Variants in ADAMTS20 observed in about 807,000 individuals in gnomAD.
ADAMTS20 encodes A disintegrin and metalloproteinase with thrombospondin motifs 20.
ADAMTS20 carries 225 observed loss-of-function variants against 260.1 expected under a neutral mutation model. That is an observed-to-expected ratio of 0.87 (90% CI 0.78 to 0.97). ADAMTS20 has a LOEUF of 0.97. Ranked by LOEUF, ADAMTS20 falls within the 50% of genes least tolerant of loss-of-function variation. The probability of loss-of-function intolerance (pLI) is 0.00; values close to 1 mark genes in which losing one functional copy is unlikely to be tolerated. For synonymous variants in ADAMTS20, 802 were observed against 769.5 expected (o/e 1.04, Z -0.70); for missense variants, 2,400 against 2,337.7 (o/e 1.03, Z -0.55).
chr12:43,486,865 A>G (rs113544493), intron 7 of ADAMTS20, among the ~76,000 whole-genome samples: 15 of 152,232 alleles, frequency 9.9e-5, no homozygotes, highest in African/African-American at 3.6e-4. Flanking sequence ...AATTAAAACT[A>G]CAATGAGATA....
At chr12:43,477,718 T>C (rs1358685201) in intron 7 of ADAMTS20, among the ~76,000 whole-genome samples, 2 of 152,126 alleles carry the variant, frequency 1.3e-5, no homozygotes, top group African/African-American at 4.8e-5. Context: ...CACACATTCA[T>C]ACTTTTCAAA....
intron 9 of ADAMTS20, among the ~76,000 whole-genome samples, chr12:43,465,867 A>G (rs1167472995): frequency 6.6e-6 from 1 of 152,086 alleles, no homozygotes; most frequent in East Asian, 1.9e-4. Flanking sequence ...TATGTTCCAA[A>G]GCATGATTTT....
chr12:43,457,440 T>C (rs1161183143), intron 11 of ADAMTS20, among the ~76,000 whole-genome samples: 1 of 152,180 alleles, frequency 6.6e-6, no homozygotes, highest in Non-Finnish European at 1.5e-5. Flanking sequence ...TATTAAGAGT[T>C]ACTTCTAGTC....
At position 43,501,055 on chromosome 12, in the gene ADAMTS20, C is replaced by CTTTTTTTTTTTTTTTTTTTTTTTT. The variant is rs79075751; in HGVS notation, c.867+1096_867+1097insAAAAAAAAAAAAAAAAAAAAAAAA. Among the ~76,000 whole-genome samples the CTTTTTTTTTTTTTTTTTTTTTTTT allele has an allele frequency of 2.9e-5, 3 of 104,882 alleles. 1 individual carries two copies. The highest frequency in any genetic ancestry group is 8.3e-4 in the East Asian group (2 of 2,410). The allele number at this position is 104,882 out of a possible 152,430, so 68.8% of individuals were successfully genotyped here. On this transcript the variant is annotated intron_variant, in intron 4 of 38. Transcript: ENST00000389420. ...TCTATAAATAGGTGGCTATGTAATTCTTTTTTTTTTTTTTTTTTTTGAGTC... is the reference window on the plus strand; with the variant it reads ...TCTATAAATAGGTGGCTATGTAATTCTTTTTTTTTTTTTTTTTTTTTTTTTTTTTTTTTTTTTTTTTTTTGAGTC...
intron 22 of ADAMTS20, 31 bp from the exon 23 acceptor site, chr12:43,430,502 A>T: frequency 6.3e-7 from 1 of 1,587,380 alleles, no homozygotes; most frequent in South Asian, 1.2e-5. Context: ...TTAAAAAAAC[A>T]TTGTTTCCCA....
intron 29 of ADAMTS20, among the ~76,000 whole-genome samples, chr12:43,394,315 G>A (rs1220543580): frequency 1.3e-5 from 2 of 151,992 alleles, no homozygotes; most frequent in Admixed American, 1.3e-4. Context: ...TTTCTCTAGG[G>A]ATATGGAAAA....
At chr12:43,369,478 C>T in intron 36 of ADAMTS20, 97 bp from the exon 37 acceptor site, 14 of 458,946 alleles carry the variant, frequency 3.1e-5, no homozygotes, top group Non-Finnish European at 4.8e-5. Context: ...AGTAAATATA[C>T]ATATTTATAT....
chr12:43,383,161 C>A (rs941902028), intron 31 of ADAMTS20, among the ~76,000 whole-genome samples: 18 of 152,062 alleles, frequency 1.2e-4, no homozygotes, highest in Admixed American at 7.2e-4. Flanking sequence ...TGATGGAAAT[C>A]AAAATGGTAC....
At position 43,376,588 on chromosome 12, in the gene ADAMTS20, C is replaced by T. The variant is rs752205219; in HGVS notation, c.5061G>A (p.Leu1687=). 19 of 1,613,576 alleles carry T rather than the reference C, an allele frequency of 1.2e-5. No individual in the cohort carries two copies. Among genetic ancestry groups the T allele is most frequent in the Admixed American group, 3.3e-5 (2 of 59,978 alleles). The change falls in exon 33 of 39, where the codon TTG becomes TTA. Residue 1687 remains leucine, a synonymous_variant. Coordinates refer to ENST00000389420, the MANE Select transcript of ADAMTS20 (RefSeq NM_025003.5). ...RQVKCITKHG[L]SSDLCLNHLK... ...AATGGTTTAAACATAAGTCACTGGACAAACCATGTTTGGTAATGCATTTCA... is the reference window on the plus strand; with the variant it reads ...AATGGTTTAAACATAAGTCACTGGATAAACCATGTTTGGTAATGCATTTCA...
chr12:43,449,298 G>A (rs931773704), intron 14 of ADAMTS20, among the ~76,000 whole-genome samples: 8 of 152,276 alleles, frequency 5.3e-5, no homozygotes, highest in Non-Finnish European at 2.9e-5. Context: ...GGAATACTAT[G>A]CAGCCATAGA....
chr12:43,531,888 C>T (rs945284653), intron 3 of ADAMTS20, 148 bp downstream of exon 3: 6 of 528,526 alleles, frequency 1.1e-5, no homozygotes, highest in Non-Finnish European at 1.6e-5. Context: ...GTCATACATG[C>T]TAAACATACA....
chr12:43,470,773 A>G (rs1359119157), intron 7 of ADAMTS20, among the ~76,000 whole-genome samples: 2 of 152,230 alleles, frequency 1.3e-5, no homozygotes, highest in African/African-American at 4.8e-5. Flanking sequence ...AGTAATTACT[A>G]CCAACATTTT....
At chr12:43,471,343 G>A (rs1388482831) in intron 7 of ADAMTS20, among the ~76,000 whole-genome samples, 3 of 147,818 alleles carry the variant, frequency 2.0e-5, no homozygotes, top group Non-Finnish European at 3.0e-5. Context: ...CTACGCCCAC[G>A]GAGTCTCGCT....
rs1942931221 is a variant in ADAMTS20, at chr12:43,512,046, C to T, written c.614-9641G>A. On this transcript the variant is annotated intron_variant, in intron 3 of 38. Coordinates refer to ENST00000389420, the MANE Select transcript of ADAMTS20 (RefSeq NM_025003.5). Reference sequence around the variant, plus strand: ...TGAGTTTTCTTATTAATACTATTATCAATAACAATAAAGATATAATACTGA... The same window carrying T: ...TGAGTTTTCTTATTAATACTATTATTAATAACAATAAAGATATAATACTGA... 2.0e-5 allele frequency among the ~76,000 whole-genome samples: 3 copies of T among 151,850 alleles called. No individual in the cohort carries two copies. In the South Asian group the frequency reaches 6.2e-4, roughly 32 times the overall value.
intron 14 of ADAMTS20, among the ~76,000 whole-genome samples, chr12:43,449,571 A>ACGAGTTTACCTGTT (rs1941827017): frequency 6.6e-6 from 1 of 152,118 alleles, no homozygotes; most frequent in African/African-American, 2.4e-5. Flanking sequence ...TAATCTGTAC[A>ACGAGTTTACCTGTT]ACAAAACCCT....
chr12:43,423,037 G>A (rs1268968557), intron 28 of ADAMTS20: 1 of 152,012 alleles, frequency 6.6e-6, no homozygotes, highest in African/African-American at 2.4e-5. Flanking sequence ...ATCTAAAACT[G>A]ACCTGGAATG....
chr12:43,510,272 CAGTA>C (rs1476062803), intron 3 of ADAMTS20, among the ~76,000 whole-genome samples: 1 of 151,716 alleles, frequency 6.6e-6, no homozygotes, highest in Middle Eastern at 3.2e-3. Flanking sequence ...AAACATTTAA[CAGTA>C]AGTGAGACAG....
At chr12:43,368,846 T>G (rs1940041620) in intron 37 of ADAMTS20, among the ~76,000 whole-genome samples, 1 of 152,020 alleles carries the variant, frequency 6.6e-6, no homozygotes, top group Non-Finnish European at 1.5e-5. Flanking sequence ...AAAGCGAGAA[T>G]AAAAATATGA....
chr12:43,480,982 TA>T (rs1198449267), intron 7 of ADAMTS20, among the ~76,000 whole-genome samples: 1 of 152,108 alleles, frequency 6.6e-6, no homozygotes. Flanking sequence ...AAAAAAAGAA[TA>T]AGATAATAGG....
Sources: allele counts gnomAD v4.1 joint callset (sites outside exome capture counted in the v4.1 genomes callset), GRCh38; gene constraint gnomAD v4.1.1; transcripts MANE v1.5; gene names NCBI Gene and HGNC (gene_info 2026-07-23, HGNC 2026-07-21).